Variants in ATG4A observed in about 807,000 individuals in gnomAD.
ATG4A encodes the protein autophagy related 4A cysteine peptidase, also known as cysteine protease ATG4A.
A neutral mutation model predicts 38.4 loss-of-function variants in ATG4A; 22 were observed. The observed-to-expected ratio is 0.57, with a 90% CI of 0.41 to 0.82. ATG4A has a LOEUF of 0.82. Among genes scored for constraint, ATG4A ranks in the 40% least tolerant of loss-of-function variants. ATG4A has a pLI of 0.00. For synonymous variants in ATG4A, 86 were observed against 100.7 expected, an observed-to-expected ratio of 0.85 and a Z score of 0.88; for missense variants, 220 against 290.0, an observed-to-expected ratio of 0.76 and a Z score of 1.75.
intron 9 of ATG4A, among the ~76,000 whole-genome samples, chrX:108,149,797 C>G (rs1008942516): frequency 1.8e-5 from 2 of 112,310 alleles, no homozygotes; most frequent in African/African-American, 6.5e-5. Flanking sequence ...CTAATGGTAC[C>G]TGGGCCCACG....
chrX:108,104,860 A>G (rs1352479038), intron 1 of ATG4A, among the ~76,000 whole-genome samples: 1 of 108,735 alleles, frequency 9.2e-6, no homozygotes, highest in Non-Finnish European at 1.9e-5. Flanking sequence ...ATTTCAAATA[A>G]CTTGTCTCTG....
chrX:108,091,429 G>A (rs779996547), upstream of ATG4A: 8 of 1,212,019 alleles, frequency 6.6e-6, no homozygotes, highest in South Asian at 3.5e-5. Context: ...AGTAGCCAGG[G>A]ATTTATCGGC....
intron 1 of ATG4A, among the ~76,000 whole-genome samples, chrX:108,106,247 T>C (rs1321758312): frequency 2.7e-5 from 3 of 111,736 alleles, no homozygotes; most frequent in Admixed American, 9.5e-5. Context: ...TTCCTTTCTG[T>C]TATTGAGTTC....
At chrX:108,103,020 T>C (rs900896633) in intron 1 of ATG4A, among the ~76,000 whole-genome samples, 9 of 110,170 alleles carry the variant, frequency 8.2e-5, no homozygotes, top group African/African-American at 3.0e-4. Flanking sequence ...GGCCCCAGTG[T>C]GTGTTGTTCC....
At chrX:108,149,735 C>T (rs1264333449) in intron 9 of ATG4A, among the ~76,000 whole-genome samples, 2 of 112,124 alleles carry the variant, frequency 1.8e-5, no homozygotes, top group African/African-American at 6.5e-5. Context: ...GGGCTGAGAA[C>T]CAGCAGTCTA....
At chrX:108,128,269 T>G (rs2032854857) in intron 2 of ATG4A, among the ~76,000 whole-genome samples, 1 of 111,036 alleles carries the variant, frequency 9.0e-6, no homozygotes, top group South Asian at 3.9e-4. Context: ...CTCACTATGT[T>G]GCCCAGGCTG....
chrX:108,091,638 C>CT, upstream of ATG4A: 11 of 937,435 alleles, frequency 1.2e-5, 1 homozygote, highest in South Asian at 2.3e-4. Flanking sequence ...TCCTCGTTCC[C>CT]TTTTCTTTTC....
intron 2 of ATG4A, among the ~76,000 whole-genome samples, chrX:108,127,611 A>G (rs1178421600): frequency 8.9e-6 from 1 of 111,933 alleles, no homozygotes; most frequent in Non-Finnish European, 1.9e-5. Context: ...TAACCATTAT[A>G]CATCTGCTTC....
intron 6 of ATG4A, among the ~76,000 whole-genome samples, chrX:108,136,145 A>ATAT (rs935302146): frequency 8.1e-5 from 9 of 110,547 alleles, no homozygotes; most frequent in East Asian, 2.8e-4. Flanking sequence ...TAACAACAAC[A>ATAT]TATTATTATT....
At chrX:108,113,457 T>A (rs976649901) in intron 1 of ATG4A, among the ~76,000 whole-genome samples, 13 of 111,036 alleles carry the variant, frequency 1.2e-4, no homozygotes, top group Non-Finnish European at 1.1e-4. Flanking sequence ...AATTTTGTTA[T>A]GGGGCTCATG....
At chrX:108,089,839 A>T (rs1359586593), upstream of ATG4A, among the ~76,000 whole-genome samples, 1 of 112,031 alleles carries the variant, frequency 8.9e-6, no homozygotes, top group Admixed American at 9.4e-5. Context: ...GTTTCAAAAA[A>T]TAAATAAATA....
chrX:108,094,754 T>C (rs978509738), intron 1 of ATG4A, among the ~76,000 whole-genome samples: 1 of 112,188 alleles, frequency 8.9e-6, no homozygotes, highest in Non-Finnish European at 1.9e-5. Flanking sequence ...CCTTTTAGCA[T>C]TATGTGGCAG....
intron 1 of ATG4A, among the ~76,000 whole-genome samples, chrX:108,119,673 A>T (rs1404088888): frequency 8.9e-6 from 1 of 111,876 alleles, no homozygotes; most frequent in African/African-American, 3.3e-5. Context: ...CTAAGGTCAT[A>T]TATTAAGTGG....
At chrX:108,089,769 G>A (rs928080764), upstream of ATG4A, among the ~76,000 whole-genome samples, 6 of 111,167 alleles carry the variant, frequency 5.4e-5, no homozygotes, top group Non-Finnish European at 1.1e-4. Context: ...GGAGGCAGAG[G>A]TTGCAGTGAG....
At chrX:108,108,257 A>C (rs2032246127) in intron 1 of ATG4A, among the ~76,000 whole-genome samples, 1 of 103,292 alleles carries the variant, frequency 9.7e-6, no homozygotes, top group Non-Finnish European at 2.0e-5. Context: ...AATCCAGGGA[A>C]CTCACTGCCA....
chrX:108,150,064 TAAG>T, intron 9 of ATG4A, 85 bp from the exon 10 acceptor site: 2 of 1,043,790 alleles, frequency 1.9e-6, no homozygotes, highest in Non-Finnish European at 2.6e-6. Context: ...AGGGAGGGGT[TAAG>T]AGAACCAGAG....
rs749407283 is a variant in ATG4A, at chrX:108,153,530, C to T, written c.1127-112C>T. ...GTAAGTCTCCTCCACACAAGTCTTT[C>T]TTTAGTACAGCAATTAAAAATGCTT... On this transcript the variant is annotated intron_variant, in intron 12 of 12. Transcript: ENST00000372232. 8.4e-5 allele frequency: 47 copies of T among 559,284 alleles called. 2 individuals are homozygous for T. In the South Asian group the frequency reaches 1.4e-3, roughly 16 times the overall value. 46.1% of individuals were successfully genotyped at this position (559,284 alleles called of 1,213,427 possible).
chrX:108,149,864 C>T (rs1479075469), intron 9 of ATG4A, among the ~76,000 whole-genome samples: 2 of 112,506 alleles, frequency 1.8e-5, no homozygotes, highest in Non-Finnish European at 3.8e-5. Context: ...GCCTGCCATG[C>T]CATCTGTGGT....
chrX:108,139,953 G>A (rs1396522729), intron 9 of ATG4A, among the ~76,000 whole-genome samples: 1 of 111,181 alleles, frequency 9.0e-6, no homozygotes, highest in Non-Finnish European at 1.9e-5. Context: ...ACATTCATAG[G>A]GGCTCCACCC....
Sources: gnomAD v4.1 joint callset for allele counts (sites outside exome capture counted in the v4.1 genomes callset) on GRCh38, gnomAD v4.1.1 for gene constraint, MANE v1.5 for transcripts, NCBI Gene and HGNC (gene_info 2026-07-23, HGNC 2026-07-21) for gene names.